The following CCDC148 variants were observed in gnomAD, a reference collection of about 807,000 sequenced individuals.
The protein encoded by CCDC148 is coiled-coil domain-containing protein 148.
In CCDC148, 89 loss-of-function variants were observed where a neutral mutation model predicts 85.7. The observed-to-expected ratio is 1.04, with a 90% CI of 0.87 to 1.24. CCDC148 has a LOEUF of 1.24. CCDC148 is among the 50% of genes most tolerant of loss of function. The pLI is 0.00. For synonymous variants in CCDC148, 230 were observed against 213.9 expected, an observed-to-expected ratio of 1.08 and a Z score of -0.66; for missense variants, 692 against 671.7, an observed-to-expected ratio of 1.03 and a Z score of -0.33.
At chr2:158,395,262 T>C (rs1426426977) in intron 1 of CCDC148, among the ~76,000 whole-genome samples, 1 of 152,096 alleles carries the variant, frequency 6.6e-6, no homozygotes, top group Admixed American at 6.6e-5. Flanking sequence ...GCCAGAAACC[T>C]GCCCGTGGTA....
intron 11 of CCDC148, among the ~76,000 whole-genome samples, chr2:158,209,570 T>C (rs1686443838): frequency 1.3e-5 from 2 of 152,116 alleles, no homozygotes; most frequent in South Asian, 2.1e-4. Flanking sequence ...GAGAGAAAGG[T>C]TGGGTTACCC....
intron 1 of CCDC148, among the ~76,000 whole-genome samples, chr2:158,372,471 T>A (rs1432187705): frequency 1.3e-5 from 2 of 151,980 alleles, no homozygotes; most frequent in Non-Finnish European, 2.9e-5. Context: ...TTACCACTTA[T>A]CTTCCTACAT....
At chr2:158,333,689 C>A (rs1693269755) in intron 7 of CCDC148, among the ~76,000 whole-genome samples, 1 of 152,102 alleles carries the variant, frequency 6.6e-6, no homozygotes. Flanking sequence ...GCTTTAGGAT[C>A]TGGGTGCTCC....
intron 10 of CCDC148, among the ~76,000 whole-genome samples, chr2:158,223,909 G>A (rs1687342220): frequency 6.6e-6 from 1 of 152,228 alleles, no homozygotes; most frequent in Non-Finnish European, 1.5e-5. Flanking sequence ...AAAAATCAGA[G>A]TGCCTCTCCT....
chr2:158,325,117 A>G (rs1235378911), intron 7 of CCDC148, among the ~76,000 whole-genome samples: 2 of 151,724 alleles, frequency 1.3e-5, no homozygotes, highest in East Asian at 3.9e-4. Flanking sequence ...ATAACTACAT[A>G]AAAGCCTGGC....
At chr2:158,298,291 T>C (rs948276015) in intron 9 of CCDC148, among the ~76,000 whole-genome samples, 4 of 152,118 alleles carry the variant, frequency 2.6e-5, no homozygotes, top group African/African-American at 9.7e-5. Flanking sequence ...ATCACCATTG[T>C]TTTCAGGAGT....
chr2:158,454,824 A>T (rs1454480309), intron 1 of CCDC148, among the ~76,000 whole-genome samples: 1 of 152,252 alleles, frequency 6.6e-6, no homozygotes, highest in Non-Finnish European at 1.5e-5. Flanking sequence ...AAACCTTTCA[A>T]CTAAATACAA....
intron 9 of CCDC148, among the ~76,000 whole-genome samples, chr2:158,299,200 C>T (rs1691332618): frequency 6.6e-6 from 1 of 152,182 alleles, no homozygotes; most frequent in African/African-American, 2.4e-5. Context: ...AACTAGAACT[C>T]CAAGACCTAC....
chr2:158,257,574 A>T (rs944514723), intron 9 of CCDC148, among the ~76,000 whole-genome samples: 3 of 151,848 alleles, frequency 2.0e-5, no homozygotes, highest in Non-Finnish European at 4.4e-5. Context: ...TCTGCTTAGC[A>T]GAAAAATTTT....
chr2:158,286,741 A>G (rs1277831552), intron 9 of CCDC148, among the ~76,000 whole-genome samples: 1 of 152,198 alleles, frequency 6.6e-6, no homozygotes, highest in Non-Finnish European at 1.5e-5. Flanking sequence ...GAAAGGACAG[A>G]GCTTACAATA....
chr2:158,272,878 G>A (rs542794189), intron 9 of CCDC148, among the ~76,000 whole-genome samples: 4 of 152,224 alleles, frequency 2.6e-5, no homozygotes, highest in South Asian at 4.1e-4. Flanking sequence ...GTGAGGTGAT[G>A]GATATATTAA....
At chr2:158,357,050 G>C (rs942155359) in intron 2 of CCDC148, among the ~76,000 whole-genome samples, 1 of 146,234 alleles carries the variant, frequency 6.8e-6, no homozygotes, top group Admixed American at 6.9e-5. Context: ...ATGGACACAG[G>C]AACGGGAATA....
chr2:158,223,134 C>G (rs1687284341), intron 10 of CCDC148, among the ~76,000 whole-genome samples: 1 of 152,154 alleles, frequency 6.6e-6, no homozygotes, highest in Admixed American at 6.5e-5. Flanking sequence ...CTGCGCTTTC[C>G]CAAAGGTTTT....
At chr2:158,205,809 T>C (rs1310942197) in intron 11 of CCDC148, among the ~76,000 whole-genome samples, 4 of 152,164 alleles carry the variant, frequency 2.6e-5, no homozygotes, top group Non-Finnish European at 5.9e-5. Context: ...CAGGCCATGA[T>C]GCAGATGGCA....
intron 10 of CCDC148, among the ~76,000 whole-genome samples, chr2:158,247,450 G>A (rs1688612601): frequency 6.6e-6 from 1 of 152,154 alleles, no homozygotes; most frequent in African/African-American, 2.4e-5. Flanking sequence ...ACACGCATCA[G>A]TACAAGCTGG....
intron 9 of CCDC148, among the ~76,000 whole-genome samples, chr2:158,281,040 C>A (rs1331732314): frequency 6.6e-6 from 1 of 152,066 alleles, no homozygotes; most frequent in Admixed American, 6.6e-5. Flanking sequence ...GGGTACATAA[C>A]GAAATGGAGT....
intron 1 of CCDC148, among the ~76,000 whole-genome samples, chr2:158,438,029 C>T (rs184773242): frequency 0.027 from 4,147 of 152,164 alleles, 76 homozygotes; most frequent in Middle Eastern, 0.1. Flanking sequence ...GAATCAATAT[C>T]GTGAAAATGG....
At chr2:158,353,689 A>G (rs1683455595) in intron 2 of CCDC148, among the ~76,000 whole-genome samples, 1 of 152,186 alleles carries the variant, frequency 6.6e-6, no homozygotes, top group African/African-American at 2.4e-5. Context: ...GTCAACAAGG[A>G]CACCCAGGAA....
rs200460550 is a variant in CCDC148 at position 158,338,782 on chromosome 2, T to C, written c.708A>G (p.Thr236=). The C allele has an allele frequency of 8.1e-6, 13 of 1,610,838 alleles. No individual in the cohort carries two copies. In the East Asian group the frequency reaches 2.7e-4, roughly 33 times the overall value. ...SSILSEFYKF[T]QKYQKKLQDF... ...CTTGAAGCTTCTTCTGATATTTCTG[T>C]GTAAACTTATAGAACTCACTGAGAA... Residue 236 remains threonine, a synonymous_variant, in exon 7 of 14, where the codon ACA becomes ACG. Coordinates refer to ENST00000283233, the MANE Select transcript of CCDC148 (RefSeq NM_138803.4).
Sources: gnomAD v4.1 joint callset for allele counts (sites outside exome capture counted in the v4.1 genomes callset) on GRCh38, gnomAD v4.1.1 for gene constraint, MANE v1.5 for transcripts, NCBI Gene and HGNC (gene_info 2026-07-23, HGNC 2026-07-21) for gene names.